EEA1: variants seen among roughly 807,000 people sequenced by gnomAD.
EEA1 encodes early endosome antigen 1.
In EEA1, 111 loss-of-function variants were observed where a neutral mutation model predicts 209.2. The observed-to-expected ratio is 0.53, with a 90% confidence interval of 0.45 to 0.62. The LOEUF (loss-of-function observed/expected upper bound fraction) is 0.62, where lower values mean the gene tolerates loss of function less well. EEA1 is among the 20% of genes least tolerant of loss of function. EEA1 has a pLI of 0.00. For synonymous variants in EEA1, 536 were observed against 540.6 expected, an observed-to-expected ratio of 0.99 and a Z score of 0.12; for missense variants, 1,343 against 1,530.8, an observed-to-expected ratio of 0.88 and a Z score of 2.05.
intron 11 of EEA1, 134 bp downstream of exon 11, chr12:92,832,378 A>T (rs973744659): frequency 6.0e-6 from 5 of 835,662 alleles, no homozygotes; most frequent in Non-Finnish European, 9.0e-6. Flanking sequence ...ACTACAGGAT[A>T]TAAAAGTTAA....
At chr12:92,921,739 T>TAA (rs1881004236) in intron 1 of EEA1, among the ~76,000 whole-genome samples, 1 of 104,628 alleles carries the variant, frequency 9.6e-6, no homozygotes, top group Admixed American at 1.1e-4. Flanking sequence ...CCCTAAAACT[T>TAA]AAAGTATAAT....
chr12:92,929,218 C>CG lies in EEA1; in HGVS notation c.-153_-152insC. On this transcript the variant is annotated 5_prime_UTR_variant, in exon 1 of 29. Transcript: ENST00000322349. ...CGGTGGCGACGGCCGCTCGGGCGGC[C>CG]CCGACTTCCCCACAGGCGGCGAGAG... 3.0e-6 allele frequency: 2 copies of CG among 661,610 alleles called. No homozygotes were observed. Among genetic ancestry groups the CG allele is most frequent in the Non-Finnish European group, 4.8e-6 (2 of 415,004 alleles). 41.0% of individuals were successfully genotyped at this position (661,610 alleles called of 1,614,324 possible).
intron 18 of EEA1, among the ~76,000 whole-genome samples, chr12:92,805,457 T>TA (rs1312346372): frequency 2.0e-5 from 3 of 152,228 alleles, no homozygotes; most frequent in African/African-American, 7.2e-5. Context: ...CTCAGGTTCT[T>TA]AGTCTCTACC....
At chr12:92,794,709 C>T (rs1002290405) in intron 21 of EEA1, among the ~76,000 whole-genome samples, 2 of 148,160 alleles carry the variant, frequency 1.3e-5, no homozygotes, top group Non-Finnish European at 3.0e-5. Context: ...GGGCAGAGAA[C>T]ATCACACACC....
chr12:92,798,797 C>T (rs895596305), intron 21 of EEA1, 95 bp downstream of exon 21: 22 of 952,858 alleles, frequency 2.3e-5, no homozygotes, highest in Non-Finnish European at 3.1e-5. Flanking sequence ...GTAAACTTTT[C>T]AATGTTGCAA....
intron 2 of EEA1, among the ~76,000 whole-genome samples, chr12:92,886,194 GAA>G (rs201671638): frequency 4.3e-5 from 5 of 117,570 alleles, no homozygotes; most frequent in Non-Finnish European, 7.2e-5. Flanking sequence ...GATCAAATTT[GAA>G]AAAAAAAAAA....
At chr12:92,865,849 C>T (rs370394795) in intron 2 of EEA1, among the ~76,000 whole-genome samples, 2 of 151,558 alleles carry the variant, frequency 1.3e-5, no homozygotes, top group Admixed American at 6.6e-5. Flanking sequence ...TGGGTTCAAG[C>T]GATTTTCCCT....
At chr12:92,873,947 T>G (rs1421153139) in intron 2 of EEA1, among the ~76,000 whole-genome samples, 1 of 152,166 alleles carries the variant, frequency 6.6e-6, no homozygotes, top group Non-Finnish European at 1.5e-5. Context: ...ATCTTTTTTT[T>G]TAACTGATGA....
In EEA1 at chr12:92,778,009, C is replaced by T; in HGVS notation, c.3825G>A (p.Arg1275=). The T allele has an allele frequency of 1.2e-6, 2 of 1,613,428 alleles. No homozygotes were observed. The highest frequency in any genetic ancestry group is 1.6e-4 in the Middle Eastern group (1 of 6,062). Residue 1275 remains arginine (R), a synonymous_variant, in exon 26 of 29, where the codon CGG becomes CGA. Coordinates refer to ENST00000322349, the MANE Select transcript of EEA1 (RefSeq NM_003566.4). ...SELEKQTDDL[R]GEIAVLEATV... ...TTGCTTCTAATACTGCAATTTCACC[C>T]CGTAAGTCATCCGTTTGTTTCTCAA...
At chr12:92,928,581 G>A (rs187041656) in intron 1 of EEA1, among the ~76,000 whole-genome samples, 2 of 152,310 alleles carry the variant, frequency 1.3e-5, no homozygotes, top group Admixed American at 6.5e-5. Flanking sequence ...TGTGGCAGGT[G>A]CGCATCGTGT....
intron 1 of EEA1, among the ~76,000 whole-genome samples, chr12:92,916,844 GA>G (rs1286995446): frequency 1.5e-5 from 2 of 130,306 alleles, no homozygotes; most frequent in Non-Finnish European, 1.6e-5. Context: ...TGAAAACTTT[GA>G]AAAAAATTTA....
chr12:92,909,071 A>G (rs1363311122), intron 1 of EEA1, among the ~76,000 whole-genome samples: 1 of 152,150 alleles, frequency 6.6e-6, no homozygotes, highest in Non-Finnish European at 1.5e-5. Flanking sequence ...CGGCCTCCCA[A>G]AGTGCTGGGA....
chr12:92,910,474 AAAAT>A (rs765971787), intron 1 of EEA1, among the ~76,000 whole-genome samples: 2 of 151,674 alleles, frequency 1.3e-5, no homozygotes, highest in African/African-American at 4.8e-5. Flanking sequence ...ATCTCAAAAA[AAAAT>A]AAATAAATAA....
chr12:92,926,111 A>G (rs1310089481), intron 1 of EEA1, among the ~76,000 whole-genome samples: 1 of 151,736 alleles, frequency 6.6e-6, no homozygotes. Flanking sequence ...CTCCTACCTC[A>G]GCCTCCTGAG....
chr12:92,844,463 T>C (rs1297185548), intron 9 of EEA1, among the ~76,000 whole-genome samples: 1 of 152,160 alleles, frequency 6.6e-6, no homozygotes, highest in Non-Finnish European at 1.5e-5. Flanking sequence ...TGTTAATATA[T>C]ACATAATCTT....
At chr12:92,926,041 T>C (rs971965354) in intron 1 of EEA1, among the ~76,000 whole-genome samples, 1 of 151,844 alleles carries the variant, frequency 6.6e-6, no homozygotes, top group Non-Finnish European at 1.5e-5. Context: ...TTGCTCAGGC[T>C]GGAGTGCAAT....
chr12:92,843,165 T>C (rs998322579), intron 9 of EEA1, among the ~76,000 whole-genome samples: 1 of 152,154 alleles, frequency 6.6e-6, no homozygotes, highest in Non-Finnish European at 1.5e-5. Flanking sequence ...TTAATTATTA[T>C]TATTTTTTTT....
chr12:92,808,482 T>A (rs995856747), intron 18 of EEA1, among the ~76,000 whole-genome samples: 5 of 152,000 alleles, frequency 3.3e-5, no homozygotes, highest in Admixed American at 1.3e-4. Flanking sequence ...GAGGTTATTT[T>A]TTTTTTTTTT....
rs557338700 is a variant in EEA1, at chr12:92,813,766, G to A, written c.1930-673C>T. Among the ~76,000 whole-genome samples, 195 of 152,290 alleles carry A rather than the reference G, an allele frequency of 1.3e-3. 2 individuals are homozygous for A. The highest frequency in any genetic ancestry group is 4.2e-3 in the African/African-American group (176 of 41,550). The stretch of plus-strand genomic sequence containing the variant: ...GCGGTGGCTCACACCTGTAATCCCA[G>A]CACTTTGGGAGGCCAAGGCAGGCAG... On this transcript the variant is annotated intron_variant, in intron 15 of 28. Coordinates refer to ENST00000322349, the MANE Select transcript of EEA1 (RefSeq NM_003566.4).
Sources: allele counts gnomAD v4.1 joint callset (sites outside exome capture counted in the v4.1 genomes callset), GRCh38; gene constraint gnomAD v4.1.1; transcripts MANE v1.5; gene names NCBI Gene and HGNC (gene_info 2026-07-23, HGNC 2026-07-21).